Variants in KCNMA1 observed in about 807,000 individuals in gnomAD.
The protein encoded by KCNMA1 is potassium calcium-activated channel subfamily M alpha 1, also known as Calcium-activated potassium channel subunit alpha-1.
KCNMA1 carries 29 observed loss-of-function variants against 140.0 expected under a neutral mutation model. The ratio of observed to expected loss-of-function variants is 0.21; its 90% CI spans 0.15 to 0.28. KCNMA1 has a LOEUF of 0.28. Ranked by LOEUF, KCNMA1 falls within the 10% of genes least tolerant of loss-of-function variation. The probability of loss-of-function intolerance (pLI) is 1.00; values close to 1 mark genes in which losing one functional copy is unlikely to be tolerated. For missense variants in KCNMA1, 880 were observed against 1,602.2 expected (o/e 0.55, Z 7.70); for synonymous variants, 612 against 611.9 (o/e 1.00, Z 0.00).
At chr10:77,581,111 C>T (rs1174359167) in intron 1 of KCNMA1, among the ~76,000 whole-genome samples, 3 of 152,134 alleles carry the variant, frequency 2.0e-5, no homozygotes, top group Non-Finnish European at 4.4e-5. Context: ...GCACAGGACC[C>T]TGCAAGTTAC....
At chr10:77,601,486 G>A (rs555383925) in intron 1 of KCNMA1, among the ~76,000 whole-genome samples, 4 of 152,286 alleles carry the variant, frequency 2.6e-5, no homozygotes, top group Admixed American at 2.0e-4. Context: ...TAACACCATC[G>A]CCTTAGACTC....
At chr10:76,902,419 T>C (rs1461938812) in intron 25 of KCNMA1, 1 of 152,244 alleles carries the variant, frequency 6.6e-6, no homozygotes, top group East Asian at 1.9e-4. Flanking sequence ...GGGAAGCTCT[T>C]GTATAGAACC....
At chr10:77,194,969 A>C (rs947007215) in intron 3 of KCNMA1, among the ~76,000 whole-genome samples, 8 of 152,352 alleles carry the variant, frequency 5.3e-5, no homozygotes, top group Middle Eastern at 3.4e-3. Context: ...GTTACACATG[A>C]ATTTATATGT....
chr10:77,376,477 G>T (rs1226874125), intron 2 of KCNMA1: 3 of 152,132 alleles, frequency 2.0e-5, no homozygotes, highest in Non-Finnish European at 4.4e-5. Context: ...AGGATGAAGG[G>T]TAGTCCCCTC....
intron 20 of KCNMA1, among the ~76,000 whole-genome samples, chr10:76,960,628 T>G (rs1209072236): frequency 1.2e-4 from 17 of 147,624 alleles, no homozygotes; most frequent in East Asian, 7.8e-4. Flanking sequence ...GTTTTTTTTT[T>G]TTTTTTTTTT....
intron 15 of KCNMA1, among the ~76,000 whole-genome samples, chr10:77,030,684 T>A: frequency 6.6e-6 from 1 of 152,174 alleles, no homozygotes; most frequent in East Asian, 1.9e-4. Context: ...ATCTACCAAC[T>A]GGATATAAAA....
intron 5 of KCNMA1, among the ~76,000 whole-genome samples, chr10:77,181,680 A>G (rs995214973): frequency 7.2e-5 from 11 of 152,190 alleles, no homozygotes; most frequent in Admixed American, 5.9e-4. Context: ...TACACTGAGG[A>G]CACTTCTCAG....
intron 2 of KCNMA1, among the ~76,000 whole-genome samples, chr10:77,284,133 G>C (rs1302874654): frequency 6.6e-6 from 1 of 152,204 alleles, no homozygotes; most frequent in African/African-American, 2.4e-5. Flanking sequence ...CTGAGGGTGA[G>C]AGTGAAATGC....
intron 14 of KCNMA1, among the ~76,000 whole-genome samples, chr10:77,051,630 T>C (rs766440924): frequency 7.2e-5 from 11 of 152,180 alleles, no homozygotes; most frequent in Non-Finnish European, 1.0e-4. Context: ...TTAGCTGGGC[T>C]TAGCAGTTTT....
chr10:76,943,506 G>A (rs2063137121), intron 23 of KCNMA1, among the ~76,000 whole-genome samples: 1 of 152,160 alleles, frequency 6.6e-6, no homozygotes, highest in Non-Finnish European at 1.5e-5. Flanking sequence ...TCAGTCTGTA[G>A]CAGTGAAGAC....
At chr10:77,527,955 T>C (rs554737198) in intron 1 of KCNMA1, among the ~76,000 whole-genome samples, 23 of 152,222 alleles carry the variant, frequency 1.5e-4, no homozygotes, top group Non-Finnish European at 2.2e-4. Context: ...ATGGGGTGTG[T>C]TGGGGAGAGA....
intron 1 of KCNMA1, chr10:77,634,266 A>C: frequency 1.0e-6 from 1 of 985,484 alleles, no homozygotes; most frequent in African/African-American, 1.7e-5. Flanking sequence ...GAAAAAGTAC[A>C]GCAAAGAACA....
At chr10:77,635,274 C>T (rs2720005) in intron 1 of KCNMA1, 85,083 of 152,044 alleles carry the variant, frequency 0.56, 25,101 homozygotes, top group African/African-American at 0.71. Flanking sequence ...ATTTATGTAC[C>T]CCCTAACATA....
At chr10:77,357,753 G>A (rs1435210065) in intron 2 of KCNMA1, among the ~76,000 whole-genome samples, 1 of 152,164 alleles carries the variant, frequency 6.6e-6, no homozygotes, top group Non-Finnish European at 1.5e-5. Flanking sequence ...TCACTGTTAT[G>A]AAGATGGCTC....
chr10:77,225,894 G>GTAAACAATC (rs2051214888), intron 3 of KCNMA1, among the ~76,000 whole-genome samples: 1 of 152,196 alleles, frequency 6.6e-6, no homozygotes, highest in African/African-American at 2.4e-5. Flanking sequence ...TGGGCTCTGA[G>GTAAACAATC]TAAACAATCC....
chr10:76,923,209 C>T (rs2056510217), intron 23 of KCNMA1, among the ~76,000 whole-genome samples: 1 of 152,100 alleles, frequency 6.6e-6, no homozygotes, highest in Non-Finnish European at 1.5e-5. Context: ...AAAATATATT[C>T]AGCTCTTAGA....
rs559399571 is a variant in KCNMA1, at chr10:77,048,903, A to G, written c.1750-9266T>C. Among the ~76,000 whole-genome samples the G allele has an allele frequency of 9.7e-4, 147 of 152,110 alleles. 4 individuals carry two copies. The South Asian group carries it at 0.012, about 13-fold the overall frequency. On this transcript the variant is annotated intron_variant, in intron 14 of 27. Transcript: ENST00000286628. ...AGCCTCCTGACTAGCTGGGACTACAAGCGCCTGCCACCACGCCCGGTTAAT... is the reference window on the plus strand; with the variant it reads ...AGCCTCCTGACTAGCTGGGACTACAGGCGCCTGCCACCACGCCCGGTTAAT...
intron 19 of KCNMA1, among the ~76,000 whole-genome samples, chr10:76,974,848 C>T (rs1448033989): frequency 2.0e-5 from 3 of 152,094 alleles, no homozygotes; most frequent in Non-Finnish European, 2.9e-5. Context: ...TACTGAGTTC[C>T]CCGTCACCCC....
At chr10:77,086,721 G>T in intron 10 of KCNMA1, 128 bp from the exon 11 acceptor site, 1 of 720,376 alleles carries the variant, frequency 1.4e-6, no homozygotes, top group Non-Finnish European at 2.5e-6. Context: ...TCACCCTTTT[G>T]CTTGCCATAA....
Sources: allele counts gnomAD v4.1 joint callset (sites outside exome capture counted in the v4.1 genomes callset), GRCh38; gene constraint gnomAD v4.1.1; transcripts MANE v1.5; gene names NCBI Gene and HGNC (gene_info 2026-07-23, HGNC 2026-07-21).